Variants in KANSL1L observed in about 807,000 individuals in gnomAD.
KANSL1L encodes the protein KAT8 regulatory NSL complex subunit 1 like, also known as KAT8 regulatory NSL complex subunit 1-like protein.
KANSL1L carries 25 observed loss-of-function variants against 108.6 expected under a neutral mutation model. The observed-to-expected ratio is 0.23, with a 90% CI of 0.17 to 0.32. The LOEUF is 0.32. Among genes scored for constraint, KANSL1L ranks in the 10% least tolerant of loss-of-function variants. The probability of loss-of-function intolerance (pLI) is 1.00; values close to 1 mark genes in which losing one functional copy is unlikely to be tolerated. For missense variants in KANSL1L, 1,137 were observed against 1,125.7 expected (o/e 1.01, Z -0.14); for synonymous variants, 405 against 395.1 (o/e 1.03, Z -0.30).
At chr2:210,083,384 A>T (rs2094606154) in intron 5 of KANSL1L, among the ~76,000 whole-genome samples, 1 of 152,162 alleles carries the variant, frequency 6.6e-6, no homozygotes, top group South Asian at 2.1e-4. Flanking sequence ...TGTAATCTCT[A>T]TTTCAAGTTT....
chr2:210,111,736 T>A (rs1277565292), intron 3 of KANSL1L, among the ~76,000 whole-genome samples: 5 of 151,824 alleles, frequency 3.3e-5, no homozygotes, highest in Admixed American at 6.6e-5. Flanking sequence ...TTTTAAAAAA[T>A]TTTATTATTA....
intron 1 of KANSL1L, among the ~76,000 whole-genome samples, chr2:210,160,985 A>T (rs79372637): frequency 4.9e-4 from 66 of 133,438 alleles, no homozygotes; most frequent in African/African-American, 1.8e-3. Flanking sequence ...CATACGGCCA[A>T]TTTTTTTTTT....
chr2:210,157,790 C>A (rs2095341886), intron 1 of KANSL1L, among the ~76,000 whole-genome samples: 1 of 145,972 alleles, frequency 6.9e-6, no homozygotes, highest in African/African-American at 2.5e-5. Flanking sequence ...AGAGGTGGAT[C>A]GTTTGAGCCC....
In KANSL1L at chr2:210,153,537, T is replaced by C. The variant is rs780695707; in HGVS notation, c.1046A>G (p.Asp349Gly). The change falls in exon 2 of 15, where the codon GAT (aspartate) becomes GGT (glycine). Residue 349 changes from aspartate (D) to glycine (G), a missense_variant. By Grantham distance (94) the Asp-to-Gly change is moderately conservative. Around this residue, in one of 3 missense-constraint regions of KANSL1L, gnomAD observed 556 missense variants for 537.7 expected, o/e 1.03. Coordinates refer to ENST00000281772, the MANE Select transcript of KANSL1L (RefSeq NM_152519.4). ...LDSDATDSSS[D>G]DDLDEYTLRK... ...AAGGGTATATTCATCCAAATCGTCA[T>C]CAGAGCTGCTATCAGTTGCATCGGA... The C allele has an allele frequency of 1.2e-6, 2 of 1,614,124 alleles. No individual in the cohort carries two copies. The highest frequency in any genetic ancestry group is 1.7e-6 in the Non-Finnish European group (2 of 1,180,010).
At chr2:210,041,643 T>C (rs770326555) in intron 7 of KANSL1L, among the ~76,000 whole-genome samples, 1 of 151,988 alleles carries the variant, frequency 6.6e-6, no homozygotes, top group Non-Finnish European at 1.5e-5. Context: ...CTTATTATGT[T>C]CCCAGACTGG....
In KANSL1L at chr2:210,044,119, C is replaced by T. The variant is rs766756182; in HGVS notation, c.1756-15G>A. ...GAAGGCAAAGTCTGCAAGGAAAAAC[C>T]GTATTAGAATATCACAGCCAAAGCA... On this transcript the variant is annotated splice_polypyrimidine_tract_variant and intron_variant, in intron 6 of 14. Transcript: ENST00000281772. The surrounding 1 kb of genome is among the most constrained non-coding windows in gnomAD (Gnocchi z 4.2). 2.0e-5 allele frequency: 31 copies of T among 1,557,260 alleles called. No homozygotes were observed. Among genetic ancestry groups the T allele is most frequent in the Middle Eastern group, 1.7e-4 (1 of 5,888 alleles).
chr2:210,166,757 AAAGTG>A (rs1575655316), intron 1 of KANSL1L, among the ~76,000 whole-genome samples: 1 of 152,124 alleles, frequency 6.6e-6, no homozygotes, highest in East Asian at 1.9e-4. Flanking sequence ...ATGCTTAAAT[AAAGTG>A]AAAAGACTAC....
At chr2:210,128,845 A>C (rs2125539546) in intron 3 of KANSL1L, among the ~76,000 whole-genome samples, 186 bp downstream of exon 3, 1 of 152,316 alleles carries the variant, frequency 6.6e-6, no homozygotes, top group East Asian at 1.9e-4. Context: ...AGTATGATAA[A>C]ATGATCTTAA....
chr2:210,040,218 T>A (rs1262991904), intron 8 of KANSL1L: 1 of 446,922 alleles, frequency 2.2e-6, no homozygotes, highest in Non-Finnish European at 4.0e-6. Flanking sequence ...TAGTTCATAA[T>A]TACAATTCAA....
chr2:210,111,813 A>G (rs2094908447), intron 3 of KANSL1L, among the ~76,000 whole-genome samples: 1 of 151,826 alleles, frequency 6.6e-6, no homozygotes, highest in Admixed American at 6.6e-5. Context: ...TACATGCGCC[A>G]TGTTGGTGTG....
chr2:210,070,224 C>CT (rs71043971), intron 6 of KANSL1L, among the ~76,000 whole-genome samples: 62,914 of 77,356 alleles, frequency 0.81, 26,831 homozygotes, highest in South Asian at 0.91. Context: ...TTTCTCCGTT[C>CT]TTTTTTTTTT....
At chr2:210,059,845 G>A (rs1337157763) in intron 6 of KANSL1L, among the ~76,000 whole-genome samples, 3 of 151,868 alleles carry the variant, frequency 2.0e-5, no homozygotes, top group Admixed American at 6.6e-5. Flanking sequence ...GGGTTCAAGC[G>A]ATTCTCCTGC....
chr2:210,104,062 A>T (rs772007682), intron 4 of KANSL1L, 42 bp downstream of exon 4: 1 of 1,476,146 alleles, frequency 6.8e-7, no homozygotes, highest in Non-Finnish European at 9.5e-7. Context: ...AAAATCAATG[A>T]AAAGTCATTT....
At chr2:210,147,720 A>T (rs2095275172) in intron 2 of KANSL1L, among the ~76,000 whole-genome samples, 1 of 152,140 alleles carries the variant, frequency 6.6e-6, no homozygotes, top group Admixed American at 6.5e-5. Context: ...CAACCTGCAA[A>T]CTCCACATTA....
intron 5 of KANSL1L, among the ~76,000 whole-genome samples, chr2:210,086,504 AACTCTTGAC>A (rs1463904598): frequency 6.6e-6 from 1 of 151,420 alleles, no homozygotes; most frequent in African/African-American, 2.4e-5. Context: ...AAAAAAAAAA[AACTCTTGAC>A]ACTTTTCTAG....
In KANSL1L at chr2:210,027,361, T is replaced by C. The variant is rs1364886819; in HGVS notation, c.2397-11A>G. ...ACAACCATCCTCCAGCTGTTGAAGATAAAAACCAATTTTAAACAGCTTTTA... is the reference window on the plus strand; with the variant it reads ...ACAACCATCCTCCAGCTGTTGAAGACAAAAACCAATTTTAAACAGCTTTTA... On this transcript the variant is annotated splice_polypyrimidine_tract_variant and intron_variant, in intron 11 of 14. Coordinates refer to ENST00000281772, the MANE Select transcript of KANSL1L (RefSeq NM_152519.4). The C allele has an allele frequency of 6.2e-7, 1 of 1,605,684 alleles. No individual in the cohort carries two copies. Among genetic ancestry groups the C allele is most frequent in the Non-Finnish European group, 8.5e-7 (1 of 1,172,470 alleles).
intron 5 of KANSL1L, chr2:210,096,832 C>A (rs1158600254): frequency 2.3e-6 from 2 of 888,116 alleles, no homozygotes; most frequent in Non-Finnish European, 2.7e-6. Flanking sequence ...CACAATAGAA[C>A]AATGGATACA....
intron 4 of KANSL1L, among the ~76,000 whole-genome samples, chr2:210,101,517 TG>T (rs764941238): frequency 2.6e-5 from 4 of 152,180 alleles, no homozygotes; most frequent in Non-Finnish European, 5.9e-5. Flanking sequence ...GATTTGACTG[TG>T]TAAGCAAATG....
intron 2 of KANSL1L, among the ~76,000 whole-genome samples, chr2:210,148,204 A>G (rs1462802840): frequency 1.3e-5 from 2 of 152,222 alleles, no homozygotes. Context: ...GTTTCCTGGA[A>G]TAAGACAAGC....
Sources: allele counts gnomAD v4.1 joint callset (sites outside exome capture counted in the v4.1 genomes callset), GRCh38; gene constraint gnomAD v4.1.1; regional missense constraint gnomAD v4.1.1; non-coding constraint Gnocchi (gnomAD v3.1); transcripts MANE v1.5; gene names NCBI Gene and HGNC (gene_info 2026-07-23, HGNC 2026-07-21).